Variants in SEC23B observed in about 807,000 individuals in gnomAD.
SEC23B encodes SEC23 homolog B, COPII component, also known as protein transport protein Sec23B.
A neutral mutation model predicts 104.3 loss-of-function variants in SEC23B; 77 were observed. That is an observed-to-expected ratio of 0.74 (90% confidence interval 0.61 to 0.89). SEC23B has a LOEUF of 0.89. Ranked by LOEUF, SEC23B falls within the 40% of genes least tolerant of loss-of-function variation. The pLI is 0.00. For synonymous variants in SEC23B, 338 were observed against 332.5 expected, an observed-to-expected ratio of 1.02 and a Z score of -0.18; for missense variants, 885 against 949.4, an observed-to-expected ratio of 0.93 and a Z score of 0.89.
intron 12 of SEC23B, 97 bp downstream of exon 12, chr20:18,535,839 T>C (rs2060225749): frequency 2.2e-6 from 2 of 924,806 alleles, no homozygotes; most frequent in East Asian, 5.0e-5. Flanking sequence ...CACAAACCAA[T>C]ATTCCTTGGG....
At chr20:18,556,332 G>A (rs2060438333) in intron 19 of SEC23B, among the ~76,000 whole-genome samples, 1 of 151,304 alleles carries the variant, frequency 6.6e-6, no homozygotes, top group South Asian at 2.1e-4. Flanking sequence ...TTGTATTAGG[G>A]ACTTGAGCAT....
intron 16 of SEC23B, among the ~76,000 whole-genome samples, chr20:18,549,435 G>A (rs1452260091): frequency 6.6e-6 from 1 of 152,044 alleles, no homozygotes; most frequent in Non-Finnish European, 1.5e-5. Flanking sequence ...GTCTGTACAT[G>A]TACAGTACAG....
chr20:18,508,252 CAAGT>C (rs1356879637), intron 1 of SEC23B: 1 of 152,226 alleles, frequency 6.6e-6, no homozygotes, highest in Non-Finnish European at 1.5e-5. Context: ...AAGACTCAGA[CAAGT>C]GAAACGACTT....
intron 12 of SEC23B, among the ~76,000 whole-genome samples, chr20:18,536,941 C>G (rs977118475): frequency 1.3e-5 from 2 of 152,162 alleles, no homozygotes; most frequent in Non-Finnish European, 2.9e-5. Context: ...TCTTCATACT[C>G]TCATCTTCAT....
At chr20:18,508,877 C>A (rs1422983270) in intron 1 of SEC23B, among the ~76,000 whole-genome samples, 6 of 152,038 alleles carry the variant, frequency 3.9e-5, no homozygotes, top group Admixed American at 6.6e-5. Flanking sequence ...CCTGCCACCA[C>A]GCCCAGCTAA....
chr20:18,515,879 T>A, intron 4 of SEC23B, 143 bp downstream of exon 4: 1 of 683,550 alleles, frequency 1.5e-6, no homozygotes, highest in Non-Finnish European at 2.7e-6. Flanking sequence ...TTGATGTGTG[T>A]GCATCTACTG....
intron 17 of SEC23B, among the ~76,000 whole-genome samples, chr20:18,553,993 T>C (rs961462573): frequency 1.3e-5 from 2 of 152,180 alleles, no homozygotes; most frequent in African/African-American, 4.8e-5. Context: ...CTAGTTGATA[T>C]AGAAGAGAGG....
chr20:18,523,409 T>C (rs1055201207), intron 4 of SEC23B, among the ~76,000 whole-genome samples: 1 of 147,378 alleles, frequency 6.8e-6, no homozygotes, highest in African/African-American at 2.5e-5. Flanking sequence ...TTTTTTTTTT[T>C]TTTTCTTTTT....
At chr20:18,536,824 G>A (rs1330820993) in intron 12 of SEC23B, among the ~76,000 whole-genome samples, 1 of 152,156 alleles carries the variant, frequency 6.6e-6, no homozygotes, top group Non-Finnish European at 1.5e-5. Context: ...ATTATGTCCT[G>A]TATTCTTACA....
chr20:18,559,550 C>G (rs867883718), intron 19 of SEC23B, among the ~76,000 whole-genome samples: 2 of 152,140 alleles, frequency 1.3e-5, no homozygotes, highest in Admixed American at 1.3e-4. Context: ...TTTGCTGGTT[C>G]AGGTGGGTCA....
At chr20:18,536,978 A>G (rs535345508) in intron 12 of SEC23B, among the ~76,000 whole-genome samples, 3 of 152,306 alleles carry the variant, frequency 2.0e-5, no homozygotes, top group African/African-American at 7.2e-5. Flanking sequence ...AGGAGGAGGA[A>G]GAGGAGGGTT....
At chr20:18,560,096 TTG>T (rs10691267) in intron 19 of SEC23B, among the ~76,000 whole-genome samples, 209 of 150,134 alleles carry the variant, frequency 1.4e-3, no homozygotes, top group African/African-American at 4.1e-3. Flanking sequence ...AAGTGTATTA[TTG>T]TGTGTGTGTG....
In SEC23B at chr20:18,521,036, G is replaced by A. The variant is rs538506406; in HGVS notation, c.367-3397G>A. ...GCTGCGGGCATTCCTTGGTCCAGTG[G>A]CCAGATTTCCGGCACTTGAAGCAAG... On this transcript the variant is annotated intron_variant, in intron 4 of 19. Coordinates refer to ENST00000650089, the MANE Select transcript of SEC23B (RefSeq NM_006363.6). 2.3e-3 allele frequency among the ~76,000 whole-genome samples: 352 copies of A among 152,288 alleles called. 1 individual carries two copies. Among genetic ancestry groups the A allele is most frequent in the Non-Finnish European group, 3.7e-3 (249 of 68,026 alleles).
intron 19 of SEC23B, among the ~76,000 whole-genome samples, chr20:18,556,926 G>A (rs530044404): frequency 3.5e-4 from 53 of 152,328 alleles, no homozygotes; most frequent in South Asian, 1.2e-3. Context: ...AACCCAGGAG[G>A]CGGAGGTTGC....
At chr20:18,515,062 CA>C (rs1188554746) in intron 3 of SEC23B, among the ~76,000 whole-genome samples, 2 of 152,072 alleles carry the variant, frequency 1.3e-5, no homozygotes, top group African/African-American at 4.8e-5. Flanking sequence ...CCTGTAATCC[CA>C]GCACTTTGGG....
chr20:18,528,923 C>T (rs996027887), intron 9 of SEC23B, among the ~76,000 whole-genome samples: 1 of 152,188 alleles, frequency 6.6e-6, no homozygotes, highest in African/African-American at 2.4e-5. Context: ...CCAGCAAAGG[C>T]AAGGTGATTC....
chr20:18,525,532 C>G (rs2060126208), intron 6 of SEC23B, among the ~76,000 whole-genome samples: 1 of 152,178 alleles, frequency 6.6e-6, no homozygotes, highest in Non-Finnish European at 1.5e-5. Context: ...ATTAATTAAA[C>G]TGAATTGCTC....
chr20:18,515,688 A>G lies in SEC23B; in HGVS notation c.318A>G (p.Gln106=), dbSNP rs199815470. ...PAYGGISEVN[Q]PAELMPQFST... ...ATGGAGGCATATCTGAGGTGAATCAACCTGCCGAATTGATGCCCCAGTTTT... is the reference window on the plus strand; with the variant it reads ...ATGGAGGCATATCTGAGGTGAATCAGCCTGCCGAATTGATGCCCCAGTTTT... The change falls in exon 4 of 20, where the codon CAA becomes CAG. Residue 106 remains glutamine, a synonymous_variant. Transcript: ENST00000650089. 5 of 1,612,630 alleles carry G rather than the reference A, an allele frequency of 3.1e-6. No homozygotes were observed. Among genetic ancestry groups the G allele is most frequent in the Admixed American group, 1.7e-5 (1 of 60,006 alleles).
At chr20:18,533,120 C>G (rs2060201067) in intron 11 of SEC23B, among the ~76,000 whole-genome samples, 1 of 152,174 alleles carries the variant, frequency 6.6e-6, no homozygotes, top group African/African-American at 2.4e-5. Flanking sequence ...GCTCATTGCC[C>G]TTAGAGGTGA....
Sources: gnomAD v4.1 joint callset for allele counts (sites outside exome capture counted in the v4.1 genomes callset) on GRCh38, gnomAD v4.1.1 for gene constraint, MANE v1.5 for transcripts, NCBI Gene and HGNC (gene_info 2026-07-23, HGNC 2026-07-21) for gene names.